Variants in EDIL3 observed in about 807,000 individuals in gnomAD.
EDIL3 encodes the protein EGF-like repeat and discoidin I-like domain-containing protein 3.
In EDIL3, 37 loss-of-function variants were observed where a neutral mutation model predicts 67.4. The observed-to-expected ratio is 0.55, with a 90% confidence interval of 0.42 to 0.72. The LOEUF (loss-of-function observed/expected upper bound fraction) is 0.72. Ranked by LOEUF, EDIL3 falls within the 30% of genes least tolerant of loss-of-function variation. The pLI is 0.00. For synonymous variants in EDIL3, 195 were observed against 196.3 expected (o/e 0.99, Z 0.05); for missense variants, 527 against 586.3 (o/e 0.90, Z 1.04).
chr5:84,067,150 A>G (rs961001641), intron 6 of EDIL3, among the ~76,000 whole-genome samples: 13 of 152,184 alleles, frequency 8.5e-5, no homozygotes, highest in African/African-American at 2.9e-4. Context: ...GGATCTTTAC[A>G]CTGTAGTCTG....
intron 1 of EDIL3, among the ~76,000 whole-genome samples, chr5:84,285,531 C>T (rs950484441): frequency 7.2e-5 from 11 of 152,128 alleles, no homozygotes; most frequent in African/African-American, 2.7e-4. Flanking sequence ...GCAATAAATG[C>T]CCAGATGAGT....
intron 1 of EDIL3, among the ~76,000 whole-genome samples, chr5:84,305,171 T>C (rs1267547091): frequency 6.6e-6 from 1 of 152,214 alleles, no homozygotes; most frequent in Non-Finnish European, 1.5e-5. Flanking sequence ...TAAGCAGTAA[T>C]TAAATAACCC....
intron 4 of EDIL3, among the ~76,000 whole-genome samples, chr5:84,154,778 C>T (rs1227889859): frequency 6.7e-6 from 1 of 150,106 alleles, no homozygotes; most frequent in Non-Finnish European, 1.5e-5. Flanking sequence ...CGGCTCACCG[C>T]AACCTCTGCC....
rs1370752069 is a variant in EDIL3, at chr5:84,066,623, A to G, written c.652-17T>C. 6.2e-7 allele frequency: 1 copy of G among 1,609,484 alleles called. No homozygotes were observed. Among genetic ancestry groups the G allele is most frequent in the Non-Finnish European group, 8.5e-7 (1 of 1,178,928 alleles). On this transcript the variant is annotated splice_polypyrimidine_tract_variant and intron_variant, in intron 6 of 10. Transcript: ENST00000296591. ...CAAATTTATCTGAAAAGACGAGCACAACCAACAATAATCTTATTGTTTTCA... is the reference window on the plus strand; with the variant it reads ...CAAATTTATCTGAAAAGACGAGCACGACCAACAATAATCTTATTGTTTTCA...
intron 2 of EDIL3, among the ~76,000 whole-genome samples, chr5:84,232,260 T>C (rs1251950738): frequency 1.3e-5 from 2 of 152,170 alleles, no homozygotes; most frequent in Non-Finnish European, 2.9e-5. Context: ...AAAGAAAAAT[T>C]GATACAGAGG....
At chr5:84,332,029 G>C (rs902500707) in intron 1 of EDIL3, among the ~76,000 whole-genome samples, 1 of 152,096 alleles carries the variant, frequency 6.6e-6, no homozygotes, top group African/African-American at 2.4e-5. Context: ...ATTATTTTCT[G>C]ACTGATGGAA....
chr5:84,322,175 A>T (rs7711107), intron 1 of EDIL3, among the ~76,000 whole-genome samples: 2,377 of 151,970 alleles, frequency 0.016, 69 homozygotes, highest in African/African-American at 0.055. Context: ...ACTTCACGAG[A>T]TATTCAAAGA....
At chr5:84,132,421 A>T (rs531791766) in intron 5 of EDIL3, among the ~76,000 whole-genome samples, 6 of 64,062 alleles carry the variant, frequency 9.4e-5, no homozygotes, top group Non-Finnish European at 1.4e-4. Context: ...CATATATTAT[A>T]TATTTTATAT....
intron 3 of EDIL3, among the ~76,000 whole-genome samples, chr5:84,217,942 T>C (rs1744266166): frequency 6.6e-6 from 1 of 152,180 alleles, no homozygotes; most frequent in South Asian, 2.1e-4. Context: ...AATTTCTGGC[T>C]TGTCTCCTAA....
At chr5:84,334,067 ATTTT>A (rs5869222) in intron 1 of EDIL3, among the ~76,000 whole-genome samples, 1 of 142,052 alleles carries the variant, frequency 7.0e-6, no homozygotes. Context: ...GGAAGAGTTG[ATTTT>A]TTTTTTTTTT....
intron 1 of EDIL3, among the ~76,000 whole-genome samples, chr5:84,362,006 C>T (rs1347374928): frequency 6.6e-6 from 1 of 152,012 alleles, no homozygotes; most frequent in Non-Finnish European, 1.5e-5. Context: ...GTAACAATAA[C>T]AAGTTTATGC....
chr5:84,029,371 C>G (rs573056353), intron 9 of EDIL3, among the ~76,000 whole-genome samples: 12 of 152,304 alleles, frequency 7.9e-5, no homozygotes, highest in African/African-American at 2.9e-4. Flanking sequence ...CCTTCCGCAA[C>G]GATTGTGAGG....
chr5:84,180,722 G>A (rs1749000083), intron 3 of EDIL3, among the ~76,000 whole-genome samples: 1 of 152,154 alleles, frequency 6.6e-6, no homozygotes, highest in African/African-American at 2.4e-5. Flanking sequence ...GTGCAGTCTT[G>A]AGAGATTTAC....
intron 9 of EDIL3, among the ~76,000 whole-genome samples, chr5:84,036,319 T>C (rs1321853321): frequency 6.6e-6 from 1 of 152,132 alleles, no homozygotes; most frequent in Non-Finnish European, 1.5e-5. Flanking sequence ...TTTAAGGTCT[T>C]AATGCACAAC....
chr5:84,176,366 C>A (rs1427847975), intron 4 of EDIL3, among the ~76,000 whole-genome samples: 4 of 82,818 alleles, frequency 4.8e-5, no homozygotes, highest in African/African-American at 1.3e-4. Flanking sequence ...ATAACATGGG[C>A]CACTTCTCCT....
At chr5:84,106,468 T>C (rs1008696421) in intron 6 of EDIL3, among the ~76,000 whole-genome samples, 181 bp downstream of exon 6, 3 of 152,128 alleles carry the variant, frequency 2.0e-5, no homozygotes, top group African/African-American at 7.2e-5. Context: ...AACTTCTTAA[T>C]GGAATGTGCA....
chr5:84,114,141 C>T (rs1056266597), intron 5 of EDIL3, among the ~76,000 whole-genome samples: 2 of 149,390 alleles, frequency 1.3e-5, no homozygotes, highest in African/African-American at 2.5e-5. Context: ...TTTAAAGGAA[C>T]CCTAAAGTTT....
intron 3 of EDIL3, chr5:84,181,016 T>C (rs2112358003): frequency 1.3e-5 from 2 of 152,396 alleles, no homozygotes; most frequent in Middle Eastern, 3.4e-3. Flanking sequence ...ACAAGCAGCA[T>C]ATGGCTGTAA....
intron 5 of EDIL3, among the ~76,000 whole-genome samples, chr5:84,124,948 T>C (rs938378914): frequency 3.3e-5 from 5 of 152,058 alleles, no homozygotes; most frequent in Non-Finnish European, 7.4e-5. Context: ...TTCTTGGTGT[T>C]AACCTTTTCA....
Sources: gnomAD v4.1 joint callset for allele counts (sites outside exome capture counted in the v4.1 genomes callset) on GRCh38, gnomAD v4.1.1 for gene constraint, MANE v1.5 for transcripts, NCBI Gene and HGNC (gene_info 2026-07-23, HGNC 2026-07-21) for gene names.